The following MACROD2 variants were observed in gnomAD, a reference collection of about 807,000 sequenced individuals.
MACROD2 encodes the protein ADP-ribose glycohydrolase MACROD2.
Under a neutral mutation model 70.4 loss-of-function variants are expected in MACROD2, and 36 were observed. The ratio of observed to expected loss-of-function variants is 0.51; its 90% CI spans 0.39 to 0.68. MACROD2 has a LOEUF of 0.68. MACROD2 is among the 30% of genes least tolerant of loss of function. The pLI is 0.00. For synonymous variants in MACROD2, 172 were observed against 178.8 expected, an observed-to-expected ratio of 0.96 and a Z score of 0.30; for missense variants, 496 against 538.4, an observed-to-expected ratio of 0.92 and a Z score of 0.78.
chr20:15,245,446 C>A (rs183416618), intron 6 of MACROD2, among the ~76,000 whole-genome samples: 1 of 152,124 alleles, frequency 6.6e-6, no homozygotes, highest in African/African-American at 2.4e-5. Flanking sequence ...ACTGGCAATT[C>A]TATTGTTGTA....
chr20:15,283,685 CA>C (rs1026050618), intron 6 of MACROD2, among the ~76,000 whole-genome samples: 7 of 151,612 alleles, frequency 4.6e-5, no homozygotes, highest in African/African-American at 1.7e-4. Flanking sequence ...AACAAACAAA[CA>C]AAAAACAAAC....
At chr20:15,246,364 A>G (rs958445994) in intron 6 of MACROD2, among the ~76,000 whole-genome samples, 1 of 152,168 alleles carries the variant, frequency 6.6e-6, no homozygotes, top group Admixed American at 6.5e-5. Context: ...GGGGCCAGCA[A>G]TCCATGCCTT....
intron 5 of MACROD2, among the ~76,000 whole-genome samples, chr20:14,940,148 C>CAAAAAAAAAA (rs57697517): frequency 3.6e-4 from 20 of 55,084 alleles, no homozygotes; most frequent in South Asian, 2.1e-3. Context: ...CTCATCTCTG[C>CAAAAAAAAAA]AAAAAAAAAA....
At chr20:14,907,410 C>A (rs1290590206) in intron 5 of MACROD2, among the ~76,000 whole-genome samples, 2 of 152,146 alleles carry the variant, frequency 1.3e-5, no homozygotes, top group African/African-American at 4.8e-5. Flanking sequence ...CTGGATGAAG[C>A]CAAGAACGCT....
At chr20:14,732,700 AT>A (rs1195008966) in intron 5 of MACROD2, among the ~76,000 whole-genome samples, 10 of 151,342 alleles carry the variant, frequency 6.6e-5, no homozygotes, top group Non-Finnish European at 1.2e-4. Context: ...TCTGTGAAGA[AT>A]TTTTTTTTCT....
At chr20:14,483,650 C>T (rs1296595781) in intron 3 of MACROD2, among the ~76,000 whole-genome samples, 1 of 152,218 alleles carries the variant, frequency 6.6e-6, no homozygotes, top group Non-Finnish European at 1.5e-5. Flanking sequence ...AGGTGATCCA[C>T]CCGCCTTGGC....
chr20:14,275,785 G>GA (rs2082248443), intron 3 of MACROD2, among the ~76,000 whole-genome samples: 1 of 151,622 alleles, frequency 6.6e-6, no homozygotes, highest in South Asian at 2.1e-4. Flanking sequence ...AAATTTACAA[G>GA]AAAAAAACAA....
At chr20:15,902,494 A>G (rs987981122) in intron 10 of MACROD2, among the ~76,000 whole-genome samples, 2 of 152,150 alleles carry the variant, frequency 1.3e-5, no homozygotes, top group African/African-American at 4.8e-5. Flanking sequence ...AACCAACGAT[A>G]AGCAATTATT....
intron 7 of MACROD2, among the ~76,000 whole-genome samples, chr20:15,490,453 A>G (rs1022142735): frequency 6.6e-6 from 1 of 151,910 alleles, no homozygotes; most frequent in African/African-American, 2.4e-5. Flanking sequence ...TAGAGATAAG[A>G]TCTCTCTATG....
chr20:14,016,137 T>A (rs949626950), intron 2 of MACROD2, among the ~76,000 whole-genome samples: 2 of 152,218 alleles, frequency 1.3e-5, no homozygotes, highest in Admixed American at 6.5e-5. Flanking sequence ...CTCCATGTTC[T>A]TGGCCATTAT....
intron 8 of MACROD2, among the ~76,000 whole-genome samples, chr20:15,560,629 G>A (rs920813095): frequency 6.6e-6 from 1 of 151,824 alleles, no homozygotes; most frequent in Non-Finnish European, 1.5e-5. Flanking sequence ...CAGTCATGGT[G>A]GTGTGTGCCT....
At chr20:14,022,791 T>C (rs919230751) in intron 2 of MACROD2, among the ~76,000 whole-genome samples, 3 of 152,236 alleles carry the variant, frequency 2.0e-5, no homozygotes, top group African/African-American at 7.2e-5. Flanking sequence ...TTTTTATGGC[T>C]GCATCATATT....
At chr20:15,778,489 A>G (rs982213124) in intron 8 of MACROD2, among the ~76,000 whole-genome samples, 5 of 152,136 alleles carry the variant, frequency 3.3e-5, no homozygotes, top group Non-Finnish European at 7.4e-5. Context: ...TAAAGGAACA[A>G]TTGTAGCTGC....
At chr20:14,234,064 G>A (rs1269596110) in intron 3 of MACROD2, among the ~76,000 whole-genome samples, 4 of 152,090 alleles carry the variant, frequency 2.6e-5, no homozygotes, top group Admixed American at 1.3e-4. Flanking sequence ...AAATAATAAT[G>A]TATCAATATT....
At chr20:15,312,459 T>C (rs1033432896) in intron 6 of MACROD2, among the ~76,000 whole-genome samples, 4 of 152,102 alleles carry the variant, frequency 2.6e-5, no homozygotes, top group Non-Finnish European at 5.9e-5. Flanking sequence ...ATCAGATGAT[T>C]TGATGATTGT....
In MACROD2 at chr20:15,146,586, G is replaced by A. The variant is rs575144505; in HGVS notation, c.419-83354G>A. On this transcript the variant is annotated intron_variant, in intron 5 of 17. Coordinates refer to ENST00000684519, the MANE Select transcript of MACROD2 (RefSeq NM_001351661.2). Reference sequence around the variant, plus strand: ...ATCTCCTCAACTTTCCTCATATTTCGTTGACTGAGACATGTTGTGATCAAA... The same window carrying A: ...ATCTCCTCAACTTTCCTCATATTTCATTGACTGAGACATGTTGTGATCAAA... 1.8e-4 allele frequency among the ~76,000 whole-genome samples: 28 copies of A among 152,192 alleles called. No individual in the cohort carries two copies. The South Asian group carries it at 4.8e-3, about 26-fold the overall frequency.
intron 5 of MACROD2, among the ~76,000 whole-genome samples, chr20:15,091,212 T>A (rs947355478): frequency 2.6e-5 from 4 of 152,086 alleles, no homozygotes; most frequent in African/African-American, 9.7e-5. Flanking sequence ...ATTGCCTCTC[T>A]GGTATGGTCT....
intron 7 of MACROD2, among the ~76,000 whole-genome samples, chr20:15,431,955 G>A (rs1451574338): frequency 6.6e-6 from 1 of 151,970 alleles, no homozygotes; most frequent in Non-Finnish European, 1.5e-5. Flanking sequence ...ATTGTGTTAA[G>A]TAGTGAATGC....
intron 3 of MACROD2, among the ~76,000 whole-genome samples, chr20:14,283,967 C>G (rs1246862389): frequency 6.6e-6 from 1 of 152,126 alleles, no homozygotes; most frequent in African/African-American, 2.4e-5. Flanking sequence ...TGTTATTAAG[C>G]ATTTATGTAA....
Sources: allele counts gnomAD v4.1 joint callset (sites outside exome capture counted in the v4.1 genomes callset), GRCh38; gene constraint gnomAD v4.1.1; transcripts MANE v1.5; gene names NCBI Gene and HGNC (gene_info 2026-07-23, HGNC 2026-07-21).